Variants in MARCHF1 observed in about 807,000 individuals in gnomAD.
MARCHF1 encodes the protein membrane associated ring-CH-type finger 1.
In MARCHF1, 40 loss-of-function variants were observed where a neutral mutation model predicts 54.2. The ratio of observed to expected loss-of-function variants is 0.74; its 90% CI spans 0.57 to 0.96. The LOEUF (loss-of-function observed/expected upper bound fraction) is 0.96. Ranked by LOEUF, MARCHF1 falls within the 40% of genes least tolerant of loss-of-function variation. MARCHF1 has a pLI of 0.00. For synonymous variants in MARCHF1, 236 were observed against 236.3 expected (o/e 1.00, Z 0.01); for missense variants, 586 against 656.5 (o/e 0.89, Z 1.17).
In MARCHF1 at chr4:164,342,315, G is replaced by A. The variant is rs542363595; in HGVS notation, c.-323+41555C>T. Among the ~76,000 whole-genome samples, 14 of 152,154 alleles carry A rather than the reference G, an allele frequency of 9.2e-5. No homozygotes were observed. The South Asian group carries it at 2.9e-3, about 32-fold the overall frequency. On this transcript the variant is annotated intron_variant, in intron 1 of 9. Coordinates refer to ENST00000514618, the MANE Select transcript of MARCHF1 (RefSeq NM_001394959.1). Reference sequence around the variant, plus strand: ...TAAAAAGTCAAAAGATAACAAGCATGGGTTAGGGTCTGGAGAAAAGGAAAC... The same window carrying A: ...TAAAAAGTCAAAAGATAACAAGCATAGGTTAGGGTCTGGAGAAAAGGAAAC...
At chr4:164,204,193 T>A (rs887514553) in intron 1 of MARCHF1, among the ~76,000 whole-genome samples, 2 of 152,134 alleles carry the variant, frequency 1.3e-5, no homozygotes, top group Non-Finnish European at 2.9e-5. Context: ...TCATCAAACG[T>A]CAAAAATTCT....
intron 5 of MARCHF1, among the ~76,000 whole-genome samples, chr4:163,674,256 C>A (rs916984177): frequency 1.3e-5 from 2 of 152,062 alleles, no homozygotes; most frequent in African/African-American, 4.8e-5. Flanking sequence ...TGATGGATAT[C>A]CTAAAAGCCC....
chr4:163,835,148 C>T (rs1439086567), intron 4 of MARCHF1, among the ~76,000 whole-genome samples: 1 of 152,102 alleles, frequency 6.6e-6, no homozygotes, highest in Non-Finnish European at 1.5e-5. Context: ...TCCCAAAGTG[C>T]TGAGATAAAT....
intron 2 of MARCHF1, among the ~76,000 whole-genome samples, chr4:164,080,618 T>C (rs1755074760): frequency 6.6e-6 from 1 of 151,956 alleles, no homozygotes; most frequent in Non-Finnish European, 1.5e-5. Flanking sequence ...TTATCTTATG[T>C]GAATTTCAAA....
At chr4:163,978,327 C>A (rs570705604) in intron 3 of MARCHF1, among the ~76,000 whole-genome samples, 14 of 152,176 alleles carry the variant, frequency 9.2e-5, no homozygotes, top group African/African-American at 3.4e-4. Flanking sequence ...ATTAATGAGC[C>A]ATATTCACTG....
intron 3 of MARCHF1, among the ~76,000 whole-genome samples, chr4:163,905,676 T>C (rs4334707): frequency 0.96 from 146,381 of 152,126 alleles, 70,682 homozygotes; most frequent in East Asian, 1. Context: ...GCAACCTGTG[T>C]TATTGTTTTA....
chr4:164,048,537 T>G (rs1365396016), intron 2 of MARCHF1, among the ~76,000 whole-genome samples: 1 of 152,124 alleles, frequency 6.6e-6, no homozygotes, highest in Non-Finnish European at 1.5e-5. Flanking sequence ...GAATTGGACA[T>G]TTTCAGCAAT....
At chr4:164,291,538 C>T (rs11938809) in intron 1 of MARCHF1, among the ~76,000 whole-genome samples, 6,903 of 151,908 alleles carry the variant, frequency 0.045, 184 homozygotes, top group Middle Eastern at 0.089. Flanking sequence ...GAGAAATGTG[C>T]CATTTGATTA....
chr4:164,185,845 C>A (rs1730956550), intron 1 of MARCHF1, among the ~76,000 whole-genome samples: 1 of 151,366 alleles, frequency 6.6e-6, no homozygotes, highest in African/African-American at 2.4e-5. Context: ...ATTTAAAGTT[C>A]TTAGCAAGAG....
intron 1 of MARCHF1, among the ~76,000 whole-genome samples, chr4:164,239,129 A>G (rs1353279235): frequency 6.6e-6 from 1 of 152,052 alleles, no homozygotes; most frequent in Non-Finnish European, 1.5e-5. Flanking sequence ...CACTTCATTC[A>G]TTCATGTATA....
intron 4 of MARCHF1, among the ~76,000 whole-genome samples, chr4:163,737,182 T>TC (rs1746064425): frequency 2.8e-5 from 2 of 72,152 alleles, no homozygotes; most frequent in East Asian, 2.1e-4. Flanking sequence ...TTTTTTTTTT[T>TC]CACATATTAG....
intron 1 of MARCHF1, among the ~76,000 whole-genome samples, chr4:164,325,810 T>C (rs186873386): frequency 6.6e-6 from 1 of 152,080 alleles, no homozygotes; most frequent in African/African-American, 2.4e-5. Flanking sequence ...CATTTCACCA[T>C]GTTAAAATTT....
chr4:163,614,865 A>G (rs1741461690), intron 5 of MARCHF1, among the ~76,000 whole-genome samples: 3 of 152,206 alleles, frequency 2.0e-5, no homozygotes, highest in Non-Finnish European at 2.9e-5. Context: ...AGAGAAGATG[A>G]AGAATATGAA....
At chr4:163,935,698 CTTTCTTT>C (rs1323513935) in intron 3 of MARCHF1, among the ~76,000 whole-genome samples, 1 of 87,124 alleles carries the variant, frequency 1.1e-5, no homozygotes, top group Non-Finnish European at 2.2e-5. Flanking sequence ...GTTTTGCTTG[CTTTCTTT>C]TTTTTTTTTT....
intron 1 of MARCHF1, among the ~76,000 whole-genome samples, chr4:164,314,197 A>T (rs1407768404): frequency 2.0e-5 from 3 of 152,222 alleles, no homozygotes; most frequent in Non-Finnish European, 2.9e-5. Flanking sequence ...GACTAGAGAA[A>T]GTACACTTTG....
intron 4 of MARCHF1, among the ~76,000 whole-genome samples, chr4:163,828,054 C>G (rs62333034): frequency 0.4 from 59,122 of 148,186 alleles, 12,175 homozygotes; most frequent in Admixed American, 0.46. Flanking sequence ...CACACACACA[C>G]AGACACACCT....
At chr4:164,066,561 T>A (rs1013989552) in intron 2 of MARCHF1, among the ~76,000 whole-genome samples, 1 of 152,118 alleles carries the variant, frequency 6.6e-6, no homozygotes, top group South Asian at 2.1e-4. Flanking sequence ...TAAAGACACA[T>A]GTATGTGCAT....
chr4:164,291,568 T>C (rs1734283854), intron 1 of MARCHF1, among the ~76,000 whole-genome samples: 1 of 151,970 alleles, frequency 6.6e-6, no homozygotes, highest in South Asian at 2.1e-4. Context: ...TGTACAACCA[T>C]CAAAGAGTAT....
intron 2 of MARCHF1, among the ~76,000 whole-genome samples, chr4:163,997,586 G>A (rs1753101622): frequency 6.6e-6 from 1 of 151,856 alleles, no homozygotes; most frequent in Non-Finnish European, 1.5e-5. Flanking sequence ...CCTTTAATTT[G>A]GGGTTTCTGT....
Sources: gnomAD v4.1 joint callset for allele counts (sites outside exome capture counted in the v4.1 genomes callset) on GRCh38, gnomAD v4.1.1 for gene constraint, MANE v1.5 for transcripts, NCBI Gene and HGNC (gene_info 2026-07-23, HGNC 2026-07-21) for gene names.